OSBPL9: variants seen among roughly 807,000 people sequenced by gnomAD.
OSBPL9 encodes oxysterol binding protein like 9, also known as oxysterol-binding protein-related protein 9.
OSBPL9 carries 40 observed loss-of-function variants against 106.6 expected under a neutral mutation model. The ratio of observed to expected loss-of-function variants is 0.38; its 90% CI spans 0.29 to 0.49. The LOEUF (loss-of-function observed/expected upper bound fraction) is 0.49. OSBPL9 is among the 20% of genes least tolerant of loss of function. OSBPL9 has a pLI of 0.97. For missense variants in OSBPL9, 609 were observed against 887.2 expected (o/e 0.69, Z 3.98); for synonymous variants, 269 against 295.4 (o/e 0.91, Z 0.92).
At chr1:51,555,596 C>T in the OSBPL9 span, among the ~76,000 whole-genome samples, 5,424 of 152,182 alleles carry the variant, frequency 0.036, 137 homozygotes, top group Non-Finnish European at 0.053. Flanking sequence ...GAGAGGGAGT[C>T]TTGCTCTGTC....
At chr1:51,531,393 A>G in the OSBPL9 span, among the ~76,000 whole-genome samples, 1 of 152,248 alleles carries the variant, frequency 6.6e-6, no homozygotes, top group Non-Finnish European at 1.5e-5. Flanking sequence ...GATTATTGCA[A>G]TAATCCAGAT....
chr1:51,533,913 A>G, the OSBPL9 span, among the ~76,000 whole-genome samples: 1 of 148,980 alleles, frequency 6.7e-6, no homozygotes, highest in East Asian at 1.9e-4. Flanking sequence ...ATTATTCTAA[A>G]TAATTGATGC....
intron 1 of OSBPL9, among the ~76,000 whole-genome samples, chr1:51,586,113 G>A (rs1645246098): frequency 6.6e-6 from 1 of 151,816 alleles, no homozygotes; most frequent in African/African-American, 2.4e-5. Flanking sequence ...GGCAGAGGTT[G>A]CAGTGAGCCG....
chr1:51,619,845 A>C (rs1262288370), intron 1 of OSBPL9, among the ~76,000 whole-genome samples: 1 of 152,214 alleles, frequency 6.6e-6, no homozygotes, highest in African/African-American at 2.4e-5. Flanking sequence ...AATAACTTGG[A>C]GCTACATCTT....
At chr1:51,645,977 A>G (rs1646129682) in intron 1 of OSBPL9, among the ~76,000 whole-genome samples, 1 of 152,286 alleles carries the variant, frequency 6.6e-6, no homozygotes, top group East Asian at 1.9e-4. Context: ...GATCCTATGC[A>G]TATCCTAATG....
At chr1:51,553,566 G>A in the OSBPL9 span, among the ~76,000 whole-genome samples, 2 of 151,902 alleles carry the variant, frequency 1.3e-5, no homozygotes, top group African/African-American at 4.8e-5. Flanking sequence ...AATGAGCTCA[G>A]TAGCTCCCTT....
chr1:51,552,119 G>A, the OSBPL9 span, among the ~76,000 whole-genome samples: 2 of 152,116 alleles, frequency 1.3e-5, no homozygotes, highest in African/African-American at 4.8e-5. Context: ...ATTCCTCACA[G>A]CAAATTATGA....
chr1:51,677,602 A>T (rs1651572008), intron 3 of OSBPL9, among the ~76,000 whole-genome samples: 1 of 151,272 alleles, frequency 6.6e-6, no homozygotes, highest in East Asian at 2.0e-4. Flanking sequence ...CCCAGGCTGG[A>T]GTGCAGTGGC....
chr1:51,603,003 A>G (rs1645331588), intron 2 of OSBPL9, among the ~76,000 whole-genome samples: 1 of 152,096 alleles, frequency 6.6e-6, no homozygotes, highest in African/African-American at 2.4e-5. Context: ...AAAAAATACA[A>G]AAATTAGCCG....
chr1:51,772,326 A>G (rs970751998), intron 13 of OSBPL9, 144 bp downstream of exon 13: 9 of 682,906 alleles, frequency 1.3e-5, no homozygotes, highest in Non-Finnish European at 2.2e-5. Flanking sequence ...AGCCTGACCA[A>G]CATGGTGAAA....
At chr1:51,530,181 A>AAAAAAAAAAAAAAAC in the OSBPL9 span, among the ~76,000 whole-genome samples, 5 of 121,608 alleles carry the variant, frequency 4.1e-5, no homozygotes, top group South Asian at 2.4e-4. Context: ...AAAAAAAAAA[A>AAAAAAAAAAAAAAAC]AAAAAAAAAA....
intron 3 of OSBPL9, among the ~76,000 whole-genome samples, chr1:51,701,765 T>A (rs1242403139): frequency 3.3e-5 from 5 of 152,168 alleles, no homozygotes; most frequent in Non-Finnish European, 5.9e-5. Flanking sequence ...TCATTTAACA[T>A]TAGGTATATA....
At chr1:51,608,427 G>A (rs999670466) in intron 2 of OSBPL9, among the ~76,000 whole-genome samples, 4 of 151,922 alleles carry the variant, frequency 2.6e-5, no homozygotes, top group African/African-American at 9.7e-5. Flanking sequence ...CCAGTAGCTG[G>A]GATTACAGGA....
At chr1:51,703,317 T>C (rs1009530215) in intron 3 of OSBPL9, among the ~76,000 whole-genome samples, 1 of 152,230 alleles carries the variant, frequency 6.6e-6, no homozygotes, top group South Asian at 2.1e-4. Flanking sequence ...TTTTATTTCA[T>C]TGAGCAGTGG....
chr1:51,524,414 A>G, the OSBPL9 span, among the ~76,000 whole-genome samples: 35 of 152,252 alleles, frequency 2.3e-4, no homozygotes, highest in South Asian at 5.0e-3. Flanking sequence ...GAGGAACTAT[A>G]CCAAGCCACG....
At chr1:51,542,752 CA>C in the OSBPL9 span, among the ~76,000 whole-genome samples, 1 of 152,208 alleles carries the variant, frequency 6.6e-6, no homozygotes, top group Admixed American at 6.5e-5. Context: ...GACCAAAGTT[CA>C]AAATCTAGTA....
chr1:51,659,100 G>A (rs1024569100), intron 2 of OSBPL9, among the ~76,000 whole-genome samples: 11 of 152,152 alleles, frequency 7.2e-5, no homozygotes, highest in Non-Finnish European at 1.2e-4. Flanking sequence ...AGAAAGTGAT[G>A]GAAGAATATA....
At chr1:51,541,526 C>T in the OSBPL9 span, among the ~76,000 whole-genome samples, 1 of 152,120 alleles carries the variant, frequency 6.6e-6, no homozygotes, top group South Asian at 2.1e-4. Flanking sequence ...TTGATTTGTC[C>T]AACTCATATT....
the OSBPL9 span, among the ~76,000 whole-genome samples, chr1:51,518,713 G>C: frequency 6.6e-6 from 1 of 152,130 alleles, no homozygotes; most frequent in African/African-American, 2.4e-5. Flanking sequence ...CTGCGCGTCC[G>C]GCTCTGGAAG....
Sources: gnomAD v4.1 joint callset for allele counts (sites outside exome capture counted in the v4.1 genomes callset) on GRCh38, gnomAD v4.1.1 for gene constraint, MANE v1.5 for transcripts, NCBI Gene and HGNC (gene_info 2026-07-23, HGNC 2026-07-21) for gene names.